Variants in LRCH3 observed in about 807,000 individuals in gnomAD.
LRCH3 encodes DISP complex protein LRCH3.
Under a neutral mutation model 104.5 loss-of-function variants are expected in LRCH3, and 68 were observed. The observed-to-expected ratio is 0.65, with a 90% CI of 0.54 to 0.80. LRCH3 has a LOEUF of 0.80. Ranked by LOEUF, LRCH3 falls within the 30% of genes least tolerant of loss-of-function variation. The pLI, the probability that LRCH3 is intolerant of heterozygous loss-of-function variation, is 0.00. For synonymous variants in LRCH3, 344 were observed against 361.3 expected, an observed-to-expected ratio of 0.95 and a Z score of 0.54; for missense variants, 951 against 953.9, an observed-to-expected ratio of 1.00 and a Z score of 0.04.
At position 197,883,863 on chromosome 3, in the gene LRCH3, G is replaced by T; in HGVS notation, c.*197G>T. The T allele has an allele frequency of 1.9e-6, 1 of 538,140 alleles. No individual in the cohort carries two copies. Among genetic ancestry groups the T allele is most frequent in the South Asian group, 4.0e-5 (1 of 24,720 alleles). 33.3% of individuals were successfully genotyped at this position (538,140 alleles called of 1,614,324 possible). A position where few individuals can be genotyped will look rare whatever the true frequency, so the allele number is the denominator to read the frequency against. ...TTCCATTTCCATTGAATTTTTTTACGAAGACACCATTGGTTTTCTCAGATG... is the reference window on the plus strand; with the variant it reads ...TTCCATTTCCATTGAATTTTTTTACTAAGACACCATTGGTTTTCTCAGATG... On this transcript the variant is annotated 3_prime_UTR_variant, in exon 21 of 21. Transcript: ENST00000425562. The surrounding 1 kb of genome is among the most constrained non-coding windows in gnomAD (Gnocchi z 4.2).
chr3:197,804,611 A>G (rs1033017268), intron 1 of LRCH3, among the ~76,000 whole-genome samples: 6 of 152,012 alleles, frequency 3.9e-5, no homozygotes, highest in African/African-American at 1.4e-4. Flanking sequence ...GGGCTCTACT[A>G]CTCATTGGTG....
rs1460429454 is a variant in LRCH3 at position 197,843,240 on chromosome 3, T to C, written c.1328+3843T>C. Among the ~76,000 whole-genome samples, 12 of 152,204 alleles carry C rather than the reference T, an allele frequency of 7.9e-5. 1 individual carries two copies. The highest frequency in any genetic ancestry group is 7.9e-4 in the Admixed American group (12 of 15,274). On this transcript the variant is annotated intron_variant, in intron 10 of 20. Coordinates refer to ENST00000425562, the MANE Select transcript of LRCH3 (RefSeq NM_001365715.1). ...ACATTTAGATAAAACCTGGAAGTTT[T>C]TTTGTTTCATGTTATATAGACACAG...
intron 10 of LRCH3, among the ~76,000 whole-genome samples, chr3:197,845,280 G>A (rs895717216): frequency 1.3e-5 from 2 of 151,690 alleles, no homozygotes; most frequent in African/African-American, 4.8e-5. Flanking sequence ...GCATGGTGGT[G>A]CACACCTGTA....
Position 197,852,622 on chromosome 3 carries a change from T to G in LRCH3, c.1590+2T>G. 1 of 1,613,468 alleles carries G rather than the reference T, an allele frequency of 6.2e-7. No individual in the cohort carries two copies. The highest frequency in any genetic ancestry group is 8.5e-7 in the Non-Finnish European group (1 of 1,179,504). On this transcript the variant is annotated splice_donor_variant, in intron 13 of 20. Transcript: ENST00000425562. LOFTEE classifies it high-confidence loss of function. The stretch of plus-strand genomic sequence containing the variant: ...CTCCTAGATGGCGTAGATGGTGAGG[T>G]AAGTTGATGTAATCTCCTTTTCTTT...
chr3:197,862,282 CT>C (rs111336575), intron 15 of LRCH3, among the ~76,000 whole-genome samples: 27,965 of 152,192 alleles, frequency 0.18, 3,780 homozygotes, highest in African/African-American at 0.39. Context: ...AGGCGTGAGC[CT>C]ACTGCGCCCG....
intron 2 of LRCH3, 140 bp from the exon 3 acceptor site, chr3:197,817,036 C>T (rs987611549): frequency 2.5e-5 from 16 of 639,298 alleles, no homozygotes; most frequent in Middle Eastern, 4.6e-4. Flanking sequence ...ACCAGTAAAA[C>T]GAAGGCTAGA....
At chr3:197,864,948 G>C (rs1337330436) in intron 15 of LRCH3, among the ~76,000 whole-genome samples, 2 of 151,926 alleles carry the variant, frequency 1.3e-5, no homozygotes, top group Non-Finnish European at 2.9e-5. Flanking sequence ...CTGAGCCTGG[G>C]AGATCATGGC....
At chr3:197,857,275 C>T (rs1287639679) in intron 14 of LRCH3, among the ~76,000 whole-genome samples, 1 of 150,328 alleles carries the variant, frequency 6.7e-6, no homozygotes, top group Non-Finnish European at 1.5e-5. Flanking sequence ...GGCTACCCCT[C>T]AAGCTCCTGT....
At chr3:197,862,084 C>A (rs1166942836) in intron 15 of LRCH3, among the ~76,000 whole-genome samples, 1 of 152,162 alleles carries the variant, frequency 6.6e-6, no homozygotes, top group East Asian at 1.9e-4. Context: ...AAACCTCTGC[C>A]TCCCAGTTTC....
intron 1 of LRCH3, among the ~76,000 whole-genome samples, chr3:197,791,981 C>G (rs1262383960): frequency 6.6e-6 from 1 of 151,812 alleles, no homozygotes; most frequent in East Asian, 1.9e-4. Flanking sequence ...CGGTCTCAGC[C>G]CTGGAGTTTT....
chr3:197,854,251 A>AT lies in LRCH3; in HGVS notation c.1591-139dup. On this transcript the variant is annotated intron_variant, in intron 13 of 20. Transcript: ENST00000425562. The surrounding 1 kb of genome is among the most constrained non-coding windows in gnomAD (Gnocchi z 4.5). Reference sequence around the variant, plus strand: ...TATTATAATGCATGAATTCCAGATGATTGTGAATGTGGTCCTCTATGTCAA... The same window carrying AT: ...TATTATAATGCATGAATTCCAGATGATTTGTGAATGTGGTCCTCTATGTCAA... The AT allele has an allele frequency of 1.4e-6, 1 of 734,274 alleles. No individual in the cohort carries two copies. Among genetic ancestry groups the AT allele is most frequent in the Admixed American group, 2.1e-5 (1 of 48,004 alleles). The allele number at this position is 734,274 out of a possible 1,614,324, so 45.5% of individuals were successfully genotyped here. A position where few individuals can be genotyped will look rare whatever the true frequency, so the allele number is the denominator to read the frequency against.
At chr3:197,853,396 G>A (rs1297894471) in intron 13 of LRCH3, among the ~76,000 whole-genome samples, 1 of 152,024 alleles carries the variant, frequency 6.6e-6, no homozygotes, top group Non-Finnish European at 1.5e-5. Context: ...CACTGTGTTG[G>A]TCAGGCTGGT....
intron 20 of LRCH3, chr3:197,881,157 A>G: frequency 5.9e-6 from 6 of 1,014,962 alleles, no homozygotes; most frequent in Non-Finnish European, 7.1e-6. Flanking sequence ...GCTGCTCACG[A>G]GGAGAACCGT....
At chr3:197,821,525 C>G (rs1734488819) in intron 4 of LRCH3, among the ~76,000 whole-genome samples, 1 of 152,194 alleles carries the variant, frequency 6.6e-6, no homozygotes. Context: ...CTCTCATTTA[C>G]TTTCCCCTGC....
At chr3:197,880,674 A>G in intron 20 of LRCH3, 1 of 1,536,620 alleles carries the variant, frequency 6.5e-7, no homozygotes, top group Middle Eastern at 1.7e-4. Context: ...TGTGATGTTA[A>G]CTCTCTGTGT....
In LRCH3 at chr3:197,854,266, C is replaced by T. The variant is rs1739986757; in HGVS notation, c.1591-126C>T. On this transcript the variant is annotated intron_variant, in intron 13 of 20. Transcript: ENST00000425562. This position sits in a 1 kb window ranked among gnomAD's most constrained non-coding sequence, Gnocchi z 4.5. ...ATTCCAGATGATTGTGAATGTGGTC[C>T]TCTATGTCAACGTCTTCAAAAGTAT... The T allele has an allele frequency of 2.5e-6, 2 of 811,488 alleles. No individual in the cohort carries two copies. Among genetic ancestry groups the T allele is most frequent in the Admixed American group, 1.9e-5 (1 of 53,126 alleles). 50.3% of individuals were successfully genotyped at this position (811,488 alleles called of 1,614,324 possible). A position where few individuals can be genotyped will look rare whatever the true frequency, so the allele number is the denominator to read the frequency against.
At chr3:197,848,501 T>C (rs1188557622) in intron 12 of LRCH3, 1 of 153,026 alleles carries the variant, frequency 6.5e-6, no homozygotes, top group Non-Finnish European at 1.5e-5. Context: ...CTTAACGTTT[T>C]GCAGCCTCTA....
rs1287180436 is a variant in LRCH3 at position 197,883,742 on chromosome 3, G to C, written c.*76G>C. Reference sequence around the variant, plus strand: ...CCGTGATTGCTGCTGCCAGCTGTCTGCTTAAACAAAGCTCTTGTGTGTTCT... The same window carrying C: ...CCGTGATTGCTGCTGCCAGCTGTCTCCTTAAACAAAGCTCTTGTGTGTTCT... On this transcript the variant is annotated 3_prime_UTR_variant, in exon 21 of 21. Coordinates refer to ENST00000425562, the MANE Select transcript of LRCH3 (RefSeq NM_001365715.1). The surrounding 1 kb of genome is among the most constrained non-coding windows in gnomAD (Gnocchi z 4.2). 9.7e-6 allele frequency: 14 copies of C among 1,443,694 alleles called. No homozygotes were observed. Among genetic ancestry groups the C allele is most frequent in the Non-Finnish European group, 1.2e-5 (13 of 1,088,070 alleles). 89.4% of individuals were successfully genotyped at this position (1,443,694 alleles called of 1,614,324 possible).
chr3:197,824,222 G>A (rs1401802806), intron 4 of LRCH3, among the ~76,000 whole-genome samples: 3 of 151,856 alleles, frequency 2.0e-5, no homozygotes, highest in African/African-American at 7.3e-5. Context: ...CCGCCACCAT[G>A]CCCAGCTAAT....
Sources: gnomAD v4.1 joint callset for allele counts (sites outside exome capture counted in the v4.1 genomes callset) on GRCh38, gnomAD v4.1.1 for gene constraint, Gnocchi (gnomAD v3.1) non-coding constraint, MANE v1.5 for transcripts, NCBI Gene and HGNC (gene_info 2026-07-23, HGNC 2026-07-21) for gene names.